Variants in IGF2 observed in about 807,000 individuals in gnomAD.
IGF2 encodes insulin-like growth factor 2.
IGF2 carries 2 observed loss-of-function variants against 12.0 expected under a neutral mutation model. The observed-to-expected ratio is 0.17, with a 90% CI of 0.07 to 0.52. The LOEUF is 0.52. Ranked by LOEUF, IGF2 falls within the 20% of genes least tolerant of loss-of-function variation. IGF2 has a pLI of 0.95. For synonymous variants in IGF2, 105 were observed against 110.1 expected, an observed-to-expected ratio of 0.95 and a Z score of 0.29; for missense variants, 211 against 268.0, an observed-to-expected ratio of 0.79 and a Z score of 1.48.
chr11:2,149,220 G>A, the IGF2 span: 4 of 1,613,414 alleles, frequency 2.5e-6, no homozygotes, highest in Non-Finnish European at 3.4e-6. Context: ...TGCCGAAACT[G>A]CCTGGACGAT....
Position 2,130,266 on chromosome 11 carries a change from C to T in IGF2, c.*2721G>A, listed in dbSNP as rs529224313. On this transcript the variant is annotated 3_prime_UTR_variant, in exon 4 of 4. Coordinates refer to ENST00000416167, the MANE Select transcript of IGF2 (RefSeq NM_000612.6). ...CTGAGGAGACCCTGCCCAACCCCCCCCTCCGCCCTCAGGACTTCTGGGGAC... is the reference window on the plus strand; with the variant it reads ...CTGAGGAGACCCTGCCCAACCCCCCTCTCCGCCCTCAGGACTTCTGGGGAC... The T allele has an allele frequency of 3.5e-5, 8 of 230,686 alleles. No individual in the cohort carries two copies. The highest frequency in any genetic ancestry group is 3.6e-4 in the South Asian group (2 of 5,496). 14.3% of individuals were successfully genotyped at this position (230,686 alleles called of 1,614,324 possible). A position where few individuals can be genotyped will look rare whatever the true frequency, so the allele number is the denominator to read the frequency against.
chr11:2,145,705 G>A (rs1859880733), upstream of IGF2, among the ~76,000 whole-genome samples: 1 of 152,192 alleles, frequency 6.6e-6, no homozygotes, highest in Non-Finnish European at 1.5e-5. Flanking sequence ...TAGGGAGGGA[G>A]GAGCAGGTGG....
At position 2,129,472 on chromosome 11, in the gene IGF2, G is replaced by T. The variant is rs557192404; in HGVS notation, c.*3515C>A. On this transcript the variant is annotated 3_prime_UTR_variant, in exon 4 of 4. Coordinates refer to ENST00000416167, the MANE Select transcript of IGF2 (RefSeq NM_000612.6). The surrounding 1 kb of genome is among the most constrained non-coding windows in gnomAD (Gnocchi z 8.1). ...AACCTGGGGACGCAAGGGGCTGGTC[G>T]GCAAGTGCCCCCGGGAACACCCACT... is the stretch of plus-strand genomic sequence containing the variant. The T allele has an allele frequency of 1.5e-4, 35 of 229,132 alleles. No individual in the cohort carries two copies. The highest frequency in any genetic ancestry group is 5.8e-4 in the African/African-American group (26 of 45,158). The allele number at this position is 229,132 out of a possible 1,614,324, so 14.2% of individuals were successfully genotyped here.
Position 2,133,040 on chromosome 11 carries a change from G to C in IGF2, c.490C>G (p.Gln164Glu). The C allele has an allele frequency of 4.4e-6, 7 of 1,592,234 alleles. No individual in the cohort carries two copies. Among genetic ancestry groups the C allele is most frequent in the Non-Finnish European group, 6.0e-6 (7 of 1,167,590 alleles). The stretch of plus-strand genomic sequence containing the variant: ...GGGGCGCCCCCGTGGGCGGGGTCTT[G>C]GGTGGGTAGAGCAATCAGGGGACGG... ...RHRPLIALPT[Q>E]DPAHGGAPPE... The change falls in exon 4 of 4, where the codon CAA becomes GAA. Residue 164 changes from glutamine (Q) to glutamate (E), a missense_variant. Physicochemically the swap from Gln to Glu is conservative, Grantham distance 29 (BLOSUM62 2). Coordinates refer to ENST00000416167, the MANE Select transcript of IGF2 (RefSeq NM_000612.6). The surrounding 1 kb of genome is among the most constrained non-coding windows in gnomAD (Gnocchi z 8.9).
intron 1 of IGF2, among the ~76,000 whole-genome samples, chr11:2,135,972 A>G (rs1255351886): frequency 6.6e-6 from 1 of 152,126 alleles, no homozygotes; most frequent in Non-Finnish European, 1.5e-5. Context: ...GATGGCAGAC[A>G]GCCCCACCCC....
chr11:2,140,428 T>C, upstream of IGF2: 2 of 814,146 alleles, frequency 2.5e-6, no homozygotes. Context: ...GCCGGCGGAA[T>C]CTCGCGCCCC....
At chr11:2,137,130 C>G in intron 1 of IGF2, 4 of 725,604 alleles carry the variant, frequency 5.5e-6, no homozygotes, top group Middle Eastern at 6.9e-4. Flanking sequence ...CCCCTGCTGC[C>G]CTGCCTCAGG....
chr11:2,133,735 G>C lies in IGF2; in HGVS notation c.158-70C>G. 6.4e-7 allele frequency: 1 copy of C among 1,573,466 alleles called. No individual in the cohort carries two copies. On this transcript the variant is annotated intron_variant, in intron 2 of 3. Transcript: ENST00000416167. This position sits in a 1 kb window ranked among gnomAD's most constrained non-coding sequence, Gnocchi z 8.9. ...GACCCCAGCCCCCGGAGGCTGAAGG[G>C]GGAGCAAACCACCCCTGCCCTCAGG... is the stretch of plus-strand genomic sequence containing the variant.
At chr11:2,135,631 A>C (rs1462653240) in intron 1 of IGF2, 102 bp from the exon 2 acceptor site, 22 of 982,116 alleles carry the variant, frequency 2.2e-5, no homozygotes, top group Non-Finnish European at 3.4e-5. Context: ...AATTCAGTTG[A>C]AAATTGAAAG....
At chr11:2,137,502 C>T (rs1043519033) in intron 1 of IGF2, among the ~76,000 whole-genome samples, 3 of 151,550 alleles carry the variant, frequency 2.0e-5, no homozygotes, top group African/African-American at 4.8e-5. Flanking sequence ...TCCTGCACCC[C>T]CGGCTCATCT....
At chr11:2,137,171 T>TG (rs1859128160) in intron 1 of IGF2, 2 of 954,986 alleles carry the variant, frequency 2.1e-6, no homozygotes, top group South Asian at 9.5e-5. Context: ...GGGTCCTCAC[T>TG]CCACAGCCCT....
rs532897348 is a variant in IGF2 at position 2,138,215 on chromosome 11, C to T, written c.-7+14G>A. Reference sequence around the variant, plus strand: ...CCAGCCCCGGCCCCGGCCCGGCCCGCACACGCCGCTTACCTGGAAGCCGGC... The same window carrying T: ...CCAGCCCCGGCCCCGGCCCGGCCCGTACACGCCGCTTACCTGGAAGCCGGC... On this transcript the variant is annotated intron_variant, in intron 1 of 3. Transcript: ENST00000416167. The T allele has an allele frequency of 6.1e-6, 6 of 984,756 alleles. No individual in the cohort carries two copies. The African/African-American group carries it at 1.0e-4, about 17-fold the overall frequency. 61.0% of individuals were successfully genotyped at this position (984,756 alleles called of 1,614,324 possible).
In IGF2 at chr11:2,138,638, C is replaced by A; in HGVS notation, c.-416G>T. Reference sequence around the variant, plus strand: ...AGGCGCACAGCGGGAGAGAACAGCACGGAGAGAAACAGAAAGCGTGTAATT... The same window carrying A: ...AGGCGCACAGCGGGAGAGAACAGCAAGGAGAGAAACAGAAAGCGTGTAATT... On this transcript the variant is annotated 5_prime_UTR_variant, in exon 1 of 4. Transcript: ENST00000416167. 1 of 975,640 alleles carries A rather than the reference C, an allele frequency of 1.0e-6. No individual in the cohort carries two copies. The highest frequency in any genetic ancestry group is 1.2e-6 in the Non-Finnish European group (1 of 828,410). 60.4% of individuals were successfully genotyped at this position (975,640 alleles called of 1,614,324 possible).
the IGF2 span, chr11:2,146,572 C>G: frequency 2.7e-6 from 1 of 366,646 alleles, no homozygotes; most frequent in South Asian, 2.0e-5. Flanking sequence ...TGGGAGAGGG[C>G]CCTGGGAGAG....
At chr11:2,149,564 C>T in the IGF2 span, 1 of 603,270 alleles carries the variant, frequency 1.7e-6, no homozygotes, top group East Asian at 2.8e-5. Context: ...GGGCAGCTGG[C>T]TCAGGCACTT....
Position 2,133,061 on chromosome 11 carries a change from G to T in IGF2, c.469C>A (p.Pro157Thr), listed in dbSNP as rs755482890. Residue 157 changes from proline to threonine, a missense_variant, in exon 4 of 4, where the codon CCC becomes ACC. Around this residue, in one of 3 missense-constraint regions of IGF2, gnomAD observed 141 missense variants for 153.1 expected, o/e 0.92. Coordinates refer to ENST00000416167, the MANE Select transcript of IGF2 (RefSeq NM_000612.6). This position sits in a 1 kb window ranked among gnomAD's most constrained non-coding sequence, Gnocchi z 8.9. ...EAFREAKRHRPLIALPTQDPA... is the reference protein window; with the variant it reads ...EAFREAKRHRTLIALPTQDPA... ...TCTTGGGTGGGTAGAGCAATCAGGG[G>T]ACGGTGACGTTTGGCCTCCCTGAAC... 6.2e-7 allele frequency: 1 copy of T among 1,604,918 alleles called. No individual in the cohort carries two copies.
rs1032830050 is a variant in IGF2, at chr11:2,129,288, G to A, written c.*3699C>T. 1 of 210,910 alleles carries A rather than the reference G, an allele frequency of 4.7e-6. No homozygotes were observed. The highest frequency in any genetic ancestry group is 5.9e-5 in the Admixed American group (1 of 16,936). The allele number at this position is 210,910 out of a possible 1,614,324, so 13.1% of individuals were successfully genotyped here. ...AGGTGACATTCAGTGTTTGGCGTGGGGGTCTTCAGGTGATGGCAGAGGAGG... is the reference window on the plus strand; with the variant it reads ...AGGTGACATTCAGTGTTTGGCGTGGAGGTCTTCAGGTGATGGCAGAGGAGG... On this transcript the variant is annotated 3_prime_UTR_variant, in exon 4 of 4. Coordinates refer to ENST00000416167, the MANE Select transcript of IGF2 (RefSeq NM_000612.6). This position sits in a 1 kb window ranked among gnomAD's most constrained non-coding sequence, Gnocchi z 8.1.
rs187623619 is a variant in IGF2 at position 2,132,257 on chromosome 11, T to G, written c.*730A>C. On this transcript the variant is annotated 3_prime_UTR_variant, in exon 4 of 4. Transcript: ENST00000416167. ...CTCCTTTGGTCTTACTGGGTCCCTC[T>G]GACTGCTCTGTGATTTTTAGTGATG... is the stretch of plus-strand genomic sequence containing the variant. 9.9e-6 allele frequency: 2 copies of G among 202,204 alleles called. No homozygotes were observed. Among genetic ancestry groups the G allele is most frequent in the East Asian group, 1.5e-4 (2 of 13,366 alleles). 12.5% of individuals were successfully genotyped at this position (202,204 alleles called of 1,614,324 possible).
chr11:2,134,042 T>C, intron 2 of IGF2: 2 of 416,070 alleles, frequency 4.8e-6, no homozygotes, highest in South Asian at 2.1e-5. Flanking sequence ...GGGACTGCTG[T>C]CCCTGAGCTT....
Sources: gnomAD v4.1 joint callset for allele counts (sites outside exome capture counted in the v4.1 genomes callset) on GRCh38, gnomAD v4.1.1 for gene constraint, gnomAD v4.1.1 regional missense constraint, Gnocchi (gnomAD v3.1) non-coding constraint, MANE v1.5 for transcripts, NCBI Gene and HGNC (gene_info 2026-07-23, HGNC 2026-07-21) for gene names.